PAFAH2: variants seen among roughly 807,000 people sequenced by gnomAD.
PAFAH2 encodes the protein platelet activating factor acetylhydrolase 2, also known as platelet-activating factor acetylhydrolase 2, cytoplasmic.
Under a neutral mutation model 49.0 loss-of-function variants are expected in PAFAH2, and 42 were observed. That is an observed-to-expected ratio of 0.86 (90% CI 0.67 to 1.11). The LOEUF (loss-of-function observed/expected upper bound fraction) is 1.11, where lower values mean the gene tolerates loss of function less well. Among genes scored for constraint, PAFAH2 ranks in the 50% least tolerant of loss-of-function variants. The probability of loss-of-function intolerance (pLI) is 0.00; values close to 1 mark genes in which losing one functional copy is unlikely to be tolerated. For synonymous variants in PAFAH2, 184 were observed against 181.3 expected, an observed-to-expected ratio of 1.01 and a Z score of -0.12; for missense variants, 503 against 501.8, an observed-to-expected ratio of 1.00 and a Z score of -0.02.
chr1:25,973,406 CT>C (rs1286843311), intron 9 of PAFAH2, among the ~76,000 whole-genome samples: 4 of 152,158 alleles, frequency 2.6e-5, no homozygotes, highest in Non-Finnish European at 4.4e-5. Flanking sequence ...GAAAAACTGA[CT>C]TTAAAAAATG....
chr1:25,984,850 T>C (rs1054010264), intron 4 of PAFAH2, among the ~76,000 whole-genome samples: 5 of 145,252 alleles, frequency 3.4e-5, no homozygotes, highest in South Asian at 2.3e-4. Context: ...GATTTCTTTT[T>C]TTTTTTTTTT....
intron 7 of PAFAH2, among the ~76,000 whole-genome samples, chr1:25,980,164 T>C (rs530648657): frequency 6.6e-6 from 1 of 152,342 alleles, no homozygotes; most frequent in South Asian, 2.1e-4. Flanking sequence ...AGCCCCAATT[T>C]CATGTTTGAC....
intron 8 of PAFAH2, among the ~76,000 whole-genome samples, 153 bp from the exon 9 acceptor site, chr1:25,974,803 T>A (rs1227692296): frequency 6.6e-6 from 1 of 152,108 alleles, no homozygotes; most frequent in Admixed American, 6.6e-5. Context: ...TCAGTCAGGA[T>A]CTTAGGTAGG....
In PAFAH2 at chr1:25,976,746, C is replaced by G. The variant is rs138959332; in HGVS notation, c.694G>C (p.Val232Leu). ...KGNIDMSRVA[V>L]MGHSFGGATA... ...GCCCCTCCAAATGAATGTCCCATCA[C>G]AGCCACACGGCTCATGTCAATGTTG... Residue 232 changes from valine (V) to leucine (L), a missense_variant, in exon 8 of 11, where the codon GTG becomes CTG. Transcript: ENST00000374282. The G allele has an allele frequency of 1.2e-6, 2 of 1,614,218 alleles. No individual in the cohort carries two copies. Among genetic ancestry groups the G allele is most frequent in the Non-Finnish European group, 1.7e-6 (2 of 1,180,026 alleles).
chr1:25,996,411 G>A (rs542204602), intron 1 of PAFAH2, among the ~76,000 whole-genome samples: 17 of 151,846 alleles, frequency 1.1e-4, no homozygotes, highest in South Asian at 2.1e-4. Flanking sequence ...AGGCCGAGGC[G>A]GGCGGATCAG....
At chr1:25,994,096 T>C (rs905766240) in intron 1 of PAFAH2, among the ~76,000 whole-genome samples, 1 of 151,468 alleles carries the variant, frequency 6.6e-6, no homozygotes, top group African/African-American at 2.4e-5. Context: ...CCATGAGAGA[T>C]AGTCTGAAAG....
chr1:25,980,481 G>C (rs1376912467), intron 7 of PAFAH2, among the ~76,000 whole-genome samples: 1 of 151,432 alleles, frequency 6.6e-6, no homozygotes, highest in African/African-American at 2.4e-5. Context: ...GCTAATTTTT[G>C]TATTTTTAGT....
chr1:25,974,761 A>G (rs2049563947), intron 8 of PAFAH2, 111 bp from the exon 9 acceptor site: 1 of 986,020 alleles, frequency 1.0e-6, no homozygotes, highest in Admixed American at 2.8e-5. Context: ...AGGCTCAGAA[A>G]GCCAGGAGGG....
intron 4 of PAFAH2, among the ~76,000 whole-genome samples, chr1:25,984,861 T>TC (rs1435216473): frequency 6.7e-6 from 1 of 148,344 alleles, no homozygotes; most frequent in Admixed American, 6.7e-5. Context: ...TTTTTTTTTT[T>TC]TTTTTGAGAC....
intron 9 of PAFAH2, among the ~76,000 whole-genome samples, chr1:25,973,475 C>T (rs1252518546): frequency 6.6e-6 from 1 of 152,136 alleles, no homozygotes; most frequent in African/African-American, 2.4e-5. Context: ...CTTGAGTATC[C>T]AGCACTCAGT....
In PAFAH2 at chr1:25,976,681, C is replaced by A; in HGVS notation, c.758+1G>T. 2 of 1,612,268 alleles carry A rather than the reference C, an allele frequency of 1.2e-6. No individual in the cohort carries two copies. Among genetic ancestry groups the A allele is most frequent in the Non-Finnish European group, 8.5e-7 (1 of 1,178,282 alleles). On this transcript the variant is annotated splice_donor_variant, in intron 8 of 10. Transcript: ENST00000374282. LOFTEE classifies it high-confidence loss of function. The stretch of plus-strand genomic sequence containing the variant: ...CACAGCAACACTACTAGGAAACTCA[C>A]CGAAATTGGGTCTCCTTGGCCAAAG...
intron 1 of PAFAH2, among the ~76,000 whole-genome samples, chr1:25,992,049 G>C (rs752920877): frequency 1.3e-4 from 20 of 152,164 alleles, no homozygotes; most frequent in Non-Finnish European, 2.2e-4. Flanking sequence ...CTCAGGGGGA[G>C]ATTCAGTTAT....
At chr1:25,995,576 T>C (rs2049926494) in intron 1 of PAFAH2, among the ~76,000 whole-genome samples, 1 of 152,192 alleles carries the variant, frequency 6.6e-6, no homozygotes, top group Admixed American at 6.5e-5. Flanking sequence ...AGCAGACGCT[T>C]ACTGAGTATA....
intron 10 of PAFAH2, among the ~76,000 whole-genome samples, chr1:25,971,669 G>A (rs1245083122): frequency 2.0e-5 from 3 of 152,152 alleles, no homozygotes; most frequent in Non-Finnish European, 4.4e-5. Context: ...CAGTCCAGGT[G>A]CACTCTCATA....
Position 25,983,927 on chromosome 1 carries a change from C to T in PAFAH2, c.552+19G>A, listed in dbSNP as rs762054702. On this transcript the variant is annotated intron_variant, in intron 6 of 10. Coordinates refer to ENST00000374282, the MANE Select transcript of PAFAH2 (RefSeq NM_000437.4). ...GAACAGGCTCATTAACTCTCCCTCCCCAACTGGCACAAACTTACCTGGGGA... is the reference window on the plus strand; with the variant it reads ...GAACAGGCTCATTAACTCTCCCTCCTCAACTGGCACAAACTTACCTGGGGA... 1 of 1,613,726 alleles carries T rather than the reference C, an allele frequency of 6.2e-7. No homozygotes were observed. The highest frequency in any genetic ancestry group is 8.5e-7 in the Non-Finnish European group (1 of 1,179,772).
intron 10 of PAFAH2, among the ~76,000 whole-genome samples, chr1:25,966,888 C>T (rs550708851): frequency 9.9e-5 from 15 of 151,944 alleles, no homozygotes; most frequent in Admixed American, 5.9e-4. Context: ...AAAAATTAGT[C>T]GGGCCTGGTG....
At chr1:25,996,267 AG>A (rs1426747428) in intron 1 of PAFAH2, among the ~76,000 whole-genome samples, 2 of 151,996 alleles carry the variant, frequency 1.3e-5, no homozygotes, top group African/African-American at 2.4e-5. Context: ...CAGGAGGCTG[AG>A]GTAGGAGGAT....
At chr1:25,981,937 C>T (rs2049694931) in intron 7 of PAFAH2, among the ~76,000 whole-genome samples, 1 of 151,848 alleles carries the variant, frequency 6.6e-6, no homozygotes, top group Non-Finnish European at 1.5e-5. Context: ...AGGAGAATCG[C>T]TTGAACCCGG....
chr1:25,979,162 C>T (rs1005714096), intron 7 of PAFAH2, among the ~76,000 whole-genome samples: 3 of 152,284 alleles, frequency 2.0e-5, no homozygotes, highest in African/African-American at 7.2e-5. Flanking sequence ...TATCTACTTC[C>T]CCACAACTTT....
Sources: gnomAD v4.1 joint callset for allele counts (sites outside exome capture counted in the v4.1 genomes callset) on GRCh38, gnomAD v4.1.1 for gene constraint, MANE v1.5 for transcripts, NCBI Gene and HGNC (gene_info 2026-07-23, HGNC 2026-07-21) for gene names.